The following HOOK1 variants were observed in gnomAD, a reference collection of about 807,000 sequenced individuals.
The protein encoded by HOOK1 is protein Hook homolog 1.
Under a neutral mutation model 112.8 loss-of-function variants are expected in HOOK1, and 60 were observed. The observed-to-expected ratio is 0.53, with a 90% CI of 0.43 to 0.66. HOOK1 has a LOEUF of 0.66. Ranked by LOEUF, HOOK1 falls within the 30% of genes least tolerant of loss-of-function variation. The probability of loss-of-function intolerance (pLI) is 0.00; values close to 1 mark genes in which losing one functional copy is unlikely to be tolerated. For missense variants in HOOK1, 770 were observed against 856.0 expected (o/e 0.90, Z 1.25); for synonymous variants, 294 against 283.8 (o/e 1.04, Z -0.36).
intron 1 of HOOK1, among the ~76,000 whole-genome samples, chr1:59,820,375 A>G (rs2098384722): frequency 1.3e-5 from 2 of 152,204 alleles, no homozygotes; most frequent in South Asian, 4.1e-4. Context: ...TAAGTGTAAA[A>G]TAAGTCCAAG....
In HOOK1 at chr1:59,873,135, A is replaced by C; in HGVS notation, c.*170A>C. On this transcript the variant is annotated 3_prime_UTR_variant, in exon 22 of 22. Coordinates refer to ENST00000371208, the MANE Select transcript of HOOK1 (RefSeq NM_015888.6). Reference sequence around the variant, plus strand: ...TTAATTTTGCCAGTTGACTTTAAAAACAAATTATAGAATTAGCCATCTCTC... The same window carrying C: ...TTAATTTTGCCAGTTGACTTTAAAACCAAATTATAGAATTAGCCATCTCTC... 2.0e-6 allele frequency: 1 copy of C among 494,208 alleles called. No homozygotes were observed. The highest frequency in any genetic ancestry group is 4.2e-5 in the Admixed American group (1 of 23,836). 30.6% of individuals were successfully genotyped at this position (494,208 alleles called of 1,614,324 possible). A position where few individuals can be genotyped will look rare whatever the true frequency, so the allele number is the denominator to read the frequency against.
intron 17 of HOOK1, 123 bp from the exon 18 acceptor site, chr1:59,865,040 T>C (rs1643936865): frequency 3.0e-6 from 2 of 663,436 alleles, no homozygotes; most frequent in Non-Finnish European, 5.5e-6. Context: ...TGACAACCCC[T>C]GCAGTCATGC....
intron 8 of HOOK1, among the ~76,000 whole-genome samples, chr1:59,842,172 C>T (rs1396913049): frequency 1.3e-5 from 2 of 151,050 alleles, no homozygotes; most frequent in African/African-American, 4.9e-5. Context: ...CTCTGTCAGT[C>T]ATTTTTTGAC....
At chr1:59,852,840 G>T (rs373500394) in intron 12 of HOOK1, among the ~76,000 whole-genome samples, 1 of 151,228 alleles carries the variant, frequency 6.6e-6, no homozygotes, top group African/African-American at 2.4e-5. Flanking sequence ...TTGCATTTTC[G>T]TTTAATTCTT....
intron 5 of HOOK1, among the ~76,000 whole-genome samples, chr1:59,834,012 A>T (rs909910794): frequency 6.6e-6 from 1 of 152,212 alleles, no homozygotes; most frequent in Non-Finnish European, 1.5e-5. Flanking sequence ...TATAAATGGA[A>T]TTGATGCATT....
At chr1:59,850,832 T>A (rs951556020) in intron 12 of HOOK1, among the ~76,000 whole-genome samples, 1 of 151,408 alleles carries the variant, frequency 6.6e-6, no homozygotes, top group Non-Finnish European at 1.5e-5. Flanking sequence ...AAGATAGTAA[T>A]AATAGGGGAG....
intron 1 of HOOK1, among the ~76,000 whole-genome samples, chr1:59,820,034 A>C (rs1207605743): frequency 1.3e-5 from 2 of 152,332 alleles, no homozygotes; most frequent in Admixed American, 1.3e-4. Context: ...CTGTGTCACT[A>C]TCTGCTCTCC....
Position 59,849,146 on chromosome 1 carries a change from T to G in HOOK1, c.1205T>G (p.Leu402Arg). Residue 402 changes from leucine (L) to arginine (R), a missense_variant, in exon 12 of 22, where the codon CTT (leucine) becomes CGT (arginine). Physicochemically the swap from Leu to Arg is moderately radical, Grantham distance 102. This residue lies in a region of HOOK1 where 655 missense variants were observed against 725.9 expected (regional missense o/e 0.90). Coordinates refer to ENST00000371208, the MANE Select transcript of HOOK1 (RefSeq NM_015888.6). ...ADTLAFEMKR[L>R]EEKHEALLKE... ...ACACTAGCGTTTGAAATGAAGCGGC[T>G]TGAAGAAAAACATGAAGCTTTACTT... is the stretch of plus-strand genomic sequence containing the variant. 1 of 1,609,588 alleles carries G rather than the reference T, an allele frequency of 6.2e-7. No homozygotes were observed. The highest frequency in any genetic ancestry group is 1.7e-4 in the Middle Eastern group (1 of 6,032).
intron 8 of HOOK1, among the ~76,000 whole-genome samples, chr1:59,841,747 G>C (rs2098401139): frequency 6.6e-6 from 1 of 152,022 alleles, no homozygotes; most frequent in East Asian, 1.9e-4. Flanking sequence ...AGTCTTCTGA[G>C]AAATTCTTAT....
At chr1:59,837,090 G>A (rs1433574903) in intron 7 of HOOK1, among the ~76,000 whole-genome samples, 155 bp downstream of exon 7, 2 of 152,172 alleles carry the variant, frequency 1.3e-5, no homozygotes, top group African/African-American at 2.4e-5. Flanking sequence ...GAATGGCAGT[G>A]GTGTTGGTCT....
chr1:59,821,760 T>TC, intron 1 of HOOK1, 98 bp from the exon 2 acceptor site: 1 of 837,922 alleles, frequency 1.2e-6, no homozygotes, highest in African/African-American at 1.8e-5. Context: ...TTTTTTTTTT[T>TC]TGTTTTTTTT....
chr1:59,870,955 A>G lies in HOOK1; in HGVS notation c.1948-87A>G, dbSNP rs997739424. The G allele has an allele frequency of 4.3e-5, 38 of 881,936 alleles. No homozygotes were observed. The Admixed American group carries it at 4.9e-4, about 11-fold the overall frequency. The allele number at this position is 881,936 out of a possible 1,614,324, so 54.6% of individuals were successfully genotyped here. A position where few individuals can be genotyped will look rare whatever the true frequency, so the allele number is the denominator to read the frequency against. Reference sequence around the variant, plus strand: ...CAAGTGCAATCTTTAGATTCTCTCAATAATGAACATAGTGAAGAAATTATT... The same window carrying G: ...CAAGTGCAATCTTTAGATTCTCTCAGTAATGAACATAGTGAAGAAATTATT... On this transcript the variant is annotated intron_variant, in intron 20 of 21. Transcript: ENST00000371208.
At position 59,875,957 on chromosome 1, in the gene HOOK1, A is replaced by T. The variant is rs1243772915; in HGVS notation, c.*2992A>T. Reference sequence around the variant, plus strand: ...TCCACATCTATACCTATTTCTTTCTAGGGCACTTCTGACCCTGGGGCTTGG... The same window carrying T: ...TCCACATCTATACCTATTTCTTTCTTGGGCACTTCTGACCCTGGGGCTTGG... On this transcript the variant is annotated 3_prime_UTR_variant, in exon 22 of 22. Transcript: ENST00000371208. 4 of 152,754 alleles carry T rather than the reference A, an allele frequency of 2.6e-5. No individual in the cohort carries two copies. In the East Asian group the frequency reaches 7.7e-4, roughly 29 times the overall value. 9.5% of individuals were successfully genotyped at this position (152,754 alleles called of 1,614,324 possible). A position where few individuals can be genotyped will look rare whatever the true frequency, so the allele number is the denominator to read the frequency against.
At chr1:59,817,841 G>C (rs180987718) in intron 1 of HOOK1, among the ~76,000 whole-genome samples, 1 of 152,246 alleles carries the variant, frequency 6.6e-6, no homozygotes, top group East Asian at 1.9e-4. Context: ...CTATAACACA[G>C]TACTTTCTAA....
chr1:59,823,208 T>C (rs1168793891), intron 2 of HOOK1, among the ~76,000 whole-genome samples: 2 of 152,206 alleles, frequency 1.3e-5, no homozygotes, highest in African/African-American at 4.8e-5. Flanking sequence ...TAGTCCCAGC[T>C]ACTCGGGAGG....
At chr1:59,853,921 C>G (rs920971489) in intron 12 of HOOK1, among the ~76,000 whole-genome samples, 1 of 137,816 alleles carries the variant, frequency 7.3e-6, no homozygotes, top group Non-Finnish European at 1.5e-5. Context: ...CTCATTAATA[C>G]TGTTTTATAA....
chr1:59,871,585 A>G (rs1644055995), intron 21 of HOOK1, among the ~76,000 whole-genome samples: 1 of 151,930 alleles, frequency 6.6e-6, no homozygotes, highest in Non-Finnish European at 1.5e-5. Context: ...TACTCTTCCT[A>G]TTTGTCTCTT....
Position 59,848,415 on chromosome 1 carries a change from C to T in HOOK1, c.1030C>T (p.Gln344Ter). The T allele has an allele frequency of 1.2e-6, 2 of 1,610,910 alleles. No individual in the cohort carries two copies. Among genetic ancestry groups the T allele is most frequent in the East Asian group, 2.2e-5 (1 of 44,756 alleles). ...CCTTCGCAAGCAGGTGAAAACTTTA[C>T]AGGAAACCAACATGATGTATATGCA... ...NDLRKQVKTL[Q>*]ETNMMYMHNT... The change falls in exon 11 of 22, where the codon CAG becomes TAG. Residue 344 changes from glutamine to a stop codon, truncating the protein, a stop_gained. Coordinates refer to ENST00000371208, the MANE Select transcript of HOOK1 (RefSeq NM_015888.6). LOFTEE classifies it high-confidence loss of function.
intron 21 of HOOK1, among the ~76,000 whole-genome samples, chr1:59,872,516 AAATTTTTAT>A (rs542019505): frequency 1.2e-4 from 17 of 143,034 alleles, no homozygotes; most frequent in African/African-American, 4.6e-4. Flanking sequence ...CCAAACACAA[AAATTTTTAT>A]AATTAAGTCT....
Sources: allele counts gnomAD v4.1 joint callset (sites outside exome capture counted in the v4.1 genomes callset), GRCh38; gene constraint gnomAD v4.1.1; regional missense constraint gnomAD v4.1.1; transcripts MANE v1.5; gene names NCBI Gene and HGNC (gene_info 2026-07-23, HGNC 2026-07-21).